CYP2C19: variants seen among roughly 807,000 people sequenced by gnomAD.
The protein encoded by CYP2C19 is cytochrome P450 family 2 subfamily C member 19, also known as cytochrome P450 2C19.
CYP2C19 carries 59 observed loss-of-function variants against 40.9 expected under a neutral mutation model. The observed-to-expected ratio is 1.44, with a 90% CI of 1.17 to 1.79. The LOEUF (loss-of-function observed/expected upper bound fraction) is 1.79, where lower values mean the gene tolerates loss of function less well. CYP2C19 is among the 40% of genes most tolerant of loss of function. CYP2C19 has a pLI of 0.00. For missense variants in CYP2C19, 754 were observed against 596.9 expected (o/e 1.26, Z -2.74); for synonymous variants, 253 against 208.7 (o/e 1.21, Z -1.83).
At chr10:94,808,660 C>A (rs1179856851) in intron 5 of CYP2C19, among the ~76,000 whole-genome samples, 1 of 152,140 alleles carries the variant, frequency 6.6e-6, no homozygotes, top group Non-Finnish European at 1.5e-5. Flanking sequence ...AGTTTTAGAT[C>A]CCACAAATAA....
intron 5 of CYP2C19, among the ~76,000 whole-genome samples, chr10:94,792,292 G>T (rs1345741058): frequency 3.3e-5 from 5 of 152,130 alleles, no homozygotes; most frequent in Non-Finnish European, 7.4e-5. Context: ...TCAGCACACT[G>T]ATGGGTCTTG....
At chr10:94,774,410 A>G (rs1848376816) in intron 1 of CYP2C19, 1 of 152,626 alleles carries the variant, frequency 6.6e-6, no homozygotes. Flanking sequence ...AATAAGCTAT[A>G]AACTCTGTTA....
At chr10:94,820,100 A>T (rs1466833323) in intron 5 of CYP2C19, among the ~76,000 whole-genome samples, 2 of 151,604 alleles carry the variant, frequency 1.3e-5, no homozygotes, top group African/African-American at 4.9e-5. Context: ...GCAAATCAAT[A>T]AATGTAATCC....
intron 5 of CYP2C19, among the ~76,000 whole-genome samples, chr10:94,784,013 A>T (rs1161958171): frequency 2.0e-5 from 3 of 152,142 alleles, no homozygotes; most frequent in Non-Finnish European, 2.9e-5. Context: ...TGGTTTCAAA[A>T]TGTTTTTATC....
intron 1 of CYP2C19, among the ~76,000 whole-genome samples, chr10:94,764,475 G>T (rs555623059): frequency 6.6e-6 from 1 of 152,092 alleles, no homozygotes; most frequent in Non-Finnish European, 1.5e-5. Context: ...AGACAGAAAA[G>T]TTCTCCAAGT....
chr10:94,849,937 C>G lies in CYP2C19; in HGVS notation c.1170C>G (p.Ser390=). Residue 390 remains serine, a synonymous_variant, in exon 8 of 9, where the codon TCC becomes TCG. Coordinates refer to ENST00000371321, the MANE Select transcript of CYP2C19 (RefSeq NM_000769.4). ...TCTAGGGCACAACCATATTAACTTC[C>G]CTCACTTCTGTGCTACATGACAACA... The part of the protein sequence containing the change: ...LIPKGTTILT[S]LTSVLHDNKE... The G allele has an allele frequency of 1.2e-6, 2 of 1,613,742 alleles. No individual in the cohort carries two copies. Among genetic ancestry groups the G allele is most frequent in the Non-Finnish European group, 1.7e-6 (2 of 1,179,760 alleles).
At chr10:94,824,514 A>G (rs1282045160) in intron 6 of CYP2C19, among the ~76,000 whole-genome samples, 2 of 152,216 alleles carry the variant, frequency 1.3e-5, no homozygotes, top group Non-Finnish European at 2.9e-5. Flanking sequence ...ACAGCTGCAC[A>G]AATACACAGT....
At chr10:94,833,356 T>C (rs575266537) in intron 6 of CYP2C19, among the ~76,000 whole-genome samples, 44 of 152,330 alleles carry the variant, frequency 2.9e-4, no homozygotes, top group African/African-American at 1.0e-3. Context: ...AGAAAATGCT[T>C]TCAGTTTTCC....
At chr10:94,821,744 G>C (rs761735405) in intron 6 of CYP2C19, among the ~76,000 whole-genome samples, 1 of 151,944 alleles carries the variant, frequency 6.6e-6, no homozygotes, top group Non-Finnish European at 1.5e-5. Flanking sequence ...ATAAGAGTTA[G>C]GCCTTTTTTT....
At chr10:94,795,776 G>A (rs1047522558) in intron 5 of CYP2C19, among the ~76,000 whole-genome samples, 1 of 152,066 alleles carries the variant, frequency 6.6e-6, no homozygotes, top group Admixed American at 6.5e-5. Context: ...ATTTTTTCAT[G>A]TGTCTTTTGG....
intron 5 of CYP2C19, 39 bp downstream of exon 5, chr10:94,782,036 C>T (rs375583983): frequency 4.4e-5 from 65 of 1,479,740 alleles, no homozygotes; most frequent in South Asian, 2.5e-4. Flanking sequence ...TGACTGCTTG[C>T]GTATTTGTGA....
chr10:94,791,001 C>CT (rs1041292688), intron 5 of CYP2C19, among the ~76,000 whole-genome samples: 23 of 152,106 alleles, frequency 1.5e-4, no homozygotes, highest in African/African-American at 5.3e-4. Flanking sequence ...TGGTTCTGGA[C>CT]TTTTTTTGGT....
intron 5 of CYP2C19, among the ~76,000 whole-genome samples, chr10:94,799,789 G>C (rs1047247111): frequency 6.6e-6 from 1 of 151,710 alleles, no homozygotes; most frequent in Non-Finnish European, 1.5e-5. Context: ...CTTCCACTTG[G>C]TTTTATTGAC....
At chr10:94,799,683 C>G (rs979272858) in intron 5 of CYP2C19, among the ~76,000 whole-genome samples, 4 of 152,094 alleles carry the variant, frequency 2.6e-5, no homozygotes, top group Non-Finnish European at 4.4e-5. Flanking sequence ...TTCTTGGAGG[C>G]TTTGTTTGTT....
intron 5 of CYP2C19, among the ~76,000 whole-genome samples, chr10:94,795,095 G>C (rs1277642594): frequency 6.6e-6 from 1 of 151,408 alleles, no homozygotes; most frequent in Non-Finnish European, 1.5e-5. Context: ...ATGTTGGTGT[G>C]CTGCACCCAT....
intron 8 of CYP2C19, among the ~76,000 whole-genome samples, chr10:94,851,251 A>C (rs1167054887): frequency 6.8e-6 from 1 of 147,258 alleles, no homozygotes; most frequent in South Asian, 2.1e-4. Flanking sequence ...GGAGAGAGAG[A>C]GCAAAGAGGA....
In CYP2C19 at chr10:94,852,914, A is replaced by C. The variant is rs55640102; in HGVS notation, c.1473A>C (p.Ter491CysextTer26). The C allele has an allele frequency of 6.3e-5, 101 of 1,613,802 alleles. No individual in the cohort carries two copies. The African/African-American group carries it at 1.3e-3, about 20-fold the overall frequency. The change falls in exon 9 of 9, where the codon TGA becomes TGC. Residue 491 changes from the stop codon to cysteine, a stop_lost. Transcript: ENST00000371321. ...ATCAGCTGTGCTTCATTCCTGTCTG[A>C]AGAAGCACAGATGGTCTGGCTGCTC... ...PFYQLCFIPV[*>C]
rs367699643 is a variant in CYP2C19, at chr10:94,820,478, G to A, written c.820-18G>A. ...CTGTTAAATAATTTGTCAGATAATT[G>A]CATCAAATCATTCCTAGGAAAAGCA... On this transcript the variant is annotated intron_variant, in intron 5 of 8. Coordinates refer to ENST00000371321, the MANE Select transcript of CYP2C19 (RefSeq NM_000769.4). 10 of 1,613,270 alleles carry A rather than the reference G, an allele frequency of 6.2e-6. No homozygotes were observed. In the East Asian group the frequency reaches 2.0e-4, roughly 32 times the overall value.
chr10:94,815,621 C>G (rs1383854043), intron 5 of CYP2C19, among the ~76,000 whole-genome samples: 1 of 152,176 alleles, frequency 6.6e-6, no homozygotes, highest in Non-Finnish European at 1.5e-5. Context: ...AATTAATGTC[C>G]TTATTCTCCA....
Sources: gnomAD v4.1 joint callset for allele counts (sites outside exome capture counted in the v4.1 genomes callset) on GRCh38, gnomAD v4.1.1 for gene constraint, MANE v1.5 for transcripts, NCBI Gene and HGNC (gene_info 2026-07-23, HGNC 2026-07-21) for gene names.